The following HS3ST4 variants were observed in gnomAD, a reference collection of about 807,000 sequenced individuals.
HS3ST4 encodes heparan sulfate glucosamine 3-O-sulfotransferase 4.
A neutral mutation model predicts 29.2 loss-of-function variants in HS3ST4; 17 were observed. That is an observed-to-expected ratio of 0.58 (90% CI 0.40 to 0.87). The LOEUF (loss-of-function observed/expected upper bound fraction) is 0.87, where lower values mean the gene tolerates loss of function less well. HS3ST4 is among the 40% of genes least tolerant of loss of function. HS3ST4 has a pLI of 0.00. For missense variants in HS3ST4, 627 were observed against 634.5 expected (o/e 0.99, Z 0.13); for synonymous variants, 314 against 285.7 (o/e 1.10, Z -1.00).
intron 1 of HS3ST4, among the ~76,000 whole-genome samples, chr16:25,712,268 T>C (rs1966420640): frequency 6.6e-6 from 1 of 152,144 alleles, no homozygotes; most frequent in African/African-American, 2.4e-5. Context: ...ACCTCTATAC[T>C]CCCAGCACTT....
In HS3ST4 at chr16:25,828,242, C is replaced by CTTTTTCTTTCTT. The variant is rs1371928058; in HGVS notation, c.734+135092_734+135093insTTTTCTTTCTTT. Among the ~76,000 whole-genome samples the CTTTTTCTTTCTT allele has an allele frequency of 1.1e-3, 83 of 75,032 alleles. 1 individual carries two copies. In the East Asian group the frequency reaches 0.017, roughly 15 times the overall value. The allele number at this position is 75,032 out of a possible 152,430, so 49.2% of individuals were successfully genotyped here. Reference sequence around the variant, plus strand: ...CTTTCCTTTCTTTCTTTCTTTCTTTCTCTTTCTTTCTTTCTTTCTTTCTTT... The same window carrying CTTTTTCTTTCTT: ...CTTTCCTTTCTTTCTTTCTTTCTTTCTTTTTCTTTCTTTCTTTCTTTCTTTCTTTCTTTCTTT... On this transcript the variant is annotated intron_variant, in intron 1 of 1. Coordinates refer to ENST00000331351, the MANE Select transcript of HS3ST4 (RefSeq NM_006040.3).
At chr16:25,972,145 G>A (rs1409271191) in intron 1 of HS3ST4, among the ~76,000 whole-genome samples, 2 of 152,130 alleles carry the variant, frequency 1.3e-5, no homozygotes, top group Non-Finnish European at 2.9e-5. Flanking sequence ...CTATTGTTTT[G>A]TAACAGGTGG....
At chr16:25,693,541 T>A (rs1214972789) in intron 1 of HS3ST4, among the ~76,000 whole-genome samples, 1 of 152,172 alleles carries the variant, frequency 6.6e-6, no homozygotes, top group African/African-American at 2.4e-5. Context: ...ACAGGATGGC[T>A]AAATTGACTA....
intron 1 of HS3ST4, among the ~76,000 whole-genome samples, chr16:25,953,120 G>A (rs1340503782): frequency 6.6e-6 from 1 of 152,218 alleles, no homozygotes; most frequent in Non-Finnish European, 1.5e-5. Context: ...TCCTGGCACA[G>A]TTTGATGTAG....
intron 1 of HS3ST4, among the ~76,000 whole-genome samples, chr16:26,058,441 C>G (rs1898436944): frequency 6.6e-6 from 1 of 152,136 alleles, no homozygotes. Flanking sequence ...GCTAAAGAGG[C>G]CAGCAGGAGA....
At chr16:25,772,207 C>G (rs930965233) in intron 1 of HS3ST4, among the ~76,000 whole-genome samples, 4 of 152,208 alleles carry the variant, frequency 2.6e-5, no homozygotes, top group African/African-American at 9.6e-5. Context: ...TTGGGCTTCT[C>G]TTATCACAAT....
intron 1 of HS3ST4, among the ~76,000 whole-genome samples, chr16:25,699,063 A>G (rs1966317815): frequency 6.6e-6 from 1 of 152,220 alleles, no homozygotes; most frequent in Non-Finnish European, 1.5e-5. Context: ...AACAGATTTA[A>G]GTTTCTTAAA....
intron 1 of HS3ST4, among the ~76,000 whole-genome samples, chr16:25,734,086 C>T (rs1053879972): frequency 1.3e-5 from 2 of 152,192 alleles, no homozygotes; most frequent in African/African-American, 4.8e-5. Flanking sequence ...CATTGCACTC[C>T]AGCCTGGGTG....
chr16:25,959,463 G>A (rs1407464865), intron 1 of HS3ST4, among the ~76,000 whole-genome samples: 1 of 152,164 alleles, frequency 6.6e-6, no homozygotes, highest in Non-Finnish European at 1.5e-5. Context: ...TGCAATTCTT[G>A]TGAACCCCAT....
At chr16:25,947,549 T>C (rs1020259286) in intron 1 of HS3ST4, among the ~76,000 whole-genome samples, 2 of 80,112 alleles carry the variant, frequency 2.5e-5, no homozygotes, top group Non-Finnish European at 4.7e-5. Flanking sequence ...TCATGCTTTA[T>C]TTTTTTTTAA....
intron 1 of HS3ST4, among the ~76,000 whole-genome samples, chr16:25,847,092 C>T (rs1190605027): frequency 6.7e-6 from 1 of 149,842 alleles, no homozygotes; most frequent in Non-Finnish European, 1.5e-5. Context: ...TTTAAAACAT[C>T]ATATTGGAAT....
chr16:25,836,385 C>G (rs184939207), intron 1 of HS3ST4, among the ~76,000 whole-genome samples: 6 of 152,314 alleles, frequency 3.9e-5, no homozygotes, highest in African/African-American at 1.4e-4. Context: ...GAAAGAAATA[C>G]ATCTTTGCTG....
intron 1 of HS3ST4, among the ~76,000 whole-genome samples, chr16:25,858,938 C>T (rs1967610369): frequency 6.6e-6 from 1 of 152,006 alleles, no homozygotes; most frequent in Non-Finnish European, 1.5e-5. Context: ...AAACCTGCAA[C>T]TTTTTGTCTT....
intron 1 of HS3ST4, among the ~76,000 whole-genome samples, chr16:25,724,112 C>CAAAAAAA (rs56115380): frequency 1.3e-5 from 1 of 77,242 alleles, no homozygotes; most frequent in African/African-American, 4.9e-5. Context: ...GACTCCATCT[C>CAAAAAAA]AAAAAAAAAA....
intron 1 of HS3ST4, among the ~76,000 whole-genome samples, chr16:25,711,061 G>A (rs929423581): frequency 5.9e-5 from 9 of 151,946 alleles, no homozygotes; most frequent in Non-Finnish European, 1.2e-4. Flanking sequence ...GGCCTCAAGC[G>A]ATCTTCTTGC....
intron 1 of HS3ST4, among the ~76,000 whole-genome samples, chr16:25,889,465 T>C (rs1967986266): frequency 6.6e-6 from 1 of 152,156 alleles, no homozygotes; most frequent in Non-Finnish European, 1.5e-5. Flanking sequence ...CTTAGCAACA[T>C]TTAGACACAA....
At chr16:25,941,373 G>A (rs1485135805) in intron 1 of HS3ST4, among the ~76,000 whole-genome samples, 2 of 151,940 alleles carry the variant, frequency 1.3e-5, no homozygotes, top group African/African-American at 4.8e-5. Flanking sequence ...TGGTCAGGCT[G>A]GTCTTGAACT....
chr16:25,936,063 C>T (rs1196100983), intron 1 of HS3ST4, among the ~76,000 whole-genome samples: 1 of 152,200 alleles, frequency 6.6e-6, no homozygotes, highest in Non-Finnish European at 1.5e-5. Context: ...TGAGCCACCA[C>T]ATCCAGCCGA....
intron 1 of HS3ST4, among the ~76,000 whole-genome samples, chr16:25,865,073 A>G (rs542101559): frequency 5.9e-5 from 9 of 152,190 alleles, no homozygotes; most frequent in African/African-American, 9.6e-5. Flanking sequence ...GGCTGATTTC[A>G]TATCTTGGCT....
Sources: gnomAD v4.1 joint callset for allele counts (sites outside exome capture counted in the v4.1 genomes callset) on GRCh38, gnomAD v4.1.1 for gene constraint, MANE v1.5 for transcripts, NCBI Gene and HGNC (gene_info 2026-07-23, HGNC 2026-07-21) for gene names.